PLCXD3: variants seen among roughly 807,000 people sequenced by gnomAD.
PLCXD3 encodes phosphatidylinositol specific phospholipase C X domain containing 3, also known as PI-PLC X domain-containing protein 3.
A neutral mutation model predicts 25.5 loss-of-function variants in PLCXD3; 19 were observed. The ratio of observed to expected loss-of-function variants is 0.75; its 90% CI spans 0.52 to 1.09. PLCXD3 has a LOEUF of 1.09. Ranked by LOEUF, PLCXD3 falls within the 50% of genes least tolerant of loss-of-function variation. The probability of loss-of-function intolerance (pLI) is 0.00; values close to 1 mark genes in which losing one functional copy is unlikely to be tolerated. For synonymous variants in PLCXD3, 174 were observed against 137.6 expected, an observed-to-expected ratio of 1.26 and a Z score of -1.85; for missense variants, 411 against 388.1, an observed-to-expected ratio of 1.06 and a Z score of -0.50.
rs574579292 is a variant in PLCXD3, at chr5:41,426,824, G to C, written c.104-44290C>G. On this transcript the variant is annotated intron_variant, in intron 1 of 2. Coordinates refer to ENST00000377801, the MANE Select transcript of PLCXD3 (RefSeq NM_001005473.3). ...GTTTATTTGAGGAGGATTGCTGAGT[G>C]ATCAGTTCTCTCAGTTTTTATTTTT... 2.4e-4 allele frequency among the ~76,000 whole-genome samples: 36 copies of C among 152,136 alleles called. 1 individual carries two copies. The highest frequency in any genetic ancestry group is 8.7e-4 in the African/African-American group (36 of 41,546).
rs144646166 is a variant in PLCXD3 at position 41,466,387 on chromosome 5, T to C, written c.103+44037A>G. ...ATTCATAAAACAGGAGAAATGTTTT[T>C]CTTTTCTTAGTTTATTTAAAAAATT... On this transcript the variant is annotated intron_variant, in intron 1 of 2. Coordinates refer to ENST00000377801, the MANE Select transcript of PLCXD3 (RefSeq NM_001005473.3). Among the ~76,000 whole-genome samples the C allele has an allele frequency of 7.2e-3, 1,096 of 152,178 alleles. 20 individuals carry two copies. Among genetic ancestry groups the C allele is most frequent in the African/African-American group, 0.025 (1,042 of 41,556 alleles).
In PLCXD3 at chr5:41,492,484, C is replaced by T. The variant is rs1748725843; in HGVS notation, c.103+17940G>A. Among the ~76,000 whole-genome samples, 3 of 152,106 alleles carry T rather than the reference C, an allele frequency of 2.0e-5. No individual in the cohort carries two copies. The South Asian group carries it at 6.2e-4, about 32-fold the overall frequency. On this transcript the variant is annotated intron_variant, in intron 1 of 2. Coordinates refer to ENST00000377801, the MANE Select transcript of PLCXD3 (RefSeq NM_001005473.3). ...TTCCTGAATCTGAATGTTGGCCTGC[C>T]TTGCTAGATTGGGGAAGTTCTCCTG...
intron 2 of PLCXD3, among the ~76,000 whole-genome samples, chr5:41,366,488 C>A (rs553897958): frequency 6.6e-6 from 1 of 152,282 alleles, no homozygotes; most frequent in African/African-American, 2.4e-5. Context: ...GCATGTGAAA[C>A]TCTTCTTTCC....
At chr5:41,414,727 T>C (rs1009607967) in intron 1 of PLCXD3, among the ~76,000 whole-genome samples, 2 of 152,182 alleles carry the variant, frequency 1.3e-5, no homozygotes, top group African/African-American at 4.8e-5. Flanking sequence ...AAGTTTTAAA[T>C]TGTGCACCAT....
intron 1 of PLCXD3, among the ~76,000 whole-genome samples, chr5:41,499,162 G>GA (rs1748900066): frequency 6.6e-6 from 1 of 150,600 alleles, no homozygotes; most frequent in Admixed American, 6.6e-5. Context: ...AGTTAGGTTA[G>GA]AAAAAACAAA....
At position 41,465,353 on chromosome 5, in the gene PLCXD3, C is replaced by CTTTTTTTTTTTTTTTTT. The variant is rs58098437; in HGVS notation, c.103+45054_103+45070dup. Among the ~76,000 whole-genome samples the CTTTTTTTTTTTTTTTTT allele has an allele frequency of 4.1e-3, 54 of 13,238 alleles. 10 individuals are homozygous for CTTTTTTTTTTTTTTTTT. Among genetic ancestry groups the CTTTTTTTTTTTTTTTTT allele is most frequent in the African/African-American group, 5.7e-3 (20 of 3,486 alleles). 8.7% of individuals were successfully genotyped at this position (13,238 alleles called of 152,430 possible). On this transcript the variant is annotated intron_variant, in intron 1 of 2. Coordinates refer to ENST00000377801, the MANE Select transcript of PLCXD3 (RefSeq NM_001005473.3). ...TCCTACTTTCCCCACTAGTTCTTGT[C>CTTTTTTTTTTTTTTTTT]TTTTTTTTTTTTTTTTTTTTTTTTT...
chr5:41,366,841 C>G (rs2150487155), intron 2 of PLCXD3, among the ~76,000 whole-genome samples: 1 of 152,266 alleles, frequency 6.6e-6, no homozygotes, highest in South Asian at 2.1e-4. Flanking sequence ...CTCCCTGTGT[C>G]CATGTGTTCT....
chr5:41,397,195 A>G (rs916329205), intron 1 of PLCXD3, among the ~76,000 whole-genome samples: 1 of 152,134 alleles, frequency 6.6e-6, no homozygotes, highest in African/African-American at 2.4e-5. Context: ...CCCTCCTATC[A>G]CAGGCCTGGA....
intron 1 of PLCXD3, among the ~76,000 whole-genome samples, chr5:41,432,717 C>G (rs1342118663): frequency 6.6e-6 from 1 of 152,068 alleles, no homozygotes; most frequent in Non-Finnish European, 1.5e-5. Context: ...TAAATAGGAG[C>G]AAGAACATTC....
Position 41,418,118 on chromosome 5 carries a change from A to G in PLCXD3, c.104-35584T>C, listed in dbSNP as rs111497891. Among the ~76,000 whole-genome samples the G allele has an allele frequency of 8.1e-3, 1,241 of 152,292 alleles. 23 individuals are homozygous for G. The highest frequency in any genetic ancestry group is 0.028 in the African/African-American group (1,175 of 41,562). Reference sequence around the variant, plus strand: ...TAGGATATGGTTTTCAAACTGCAATATATAGGTATGTGGCAGTGCAGTGAT... The same window carrying G: ...TAGGATATGGTTTTCAAACTGCAATGTATAGGTATGTGGCAGTGCAGTGAT... On this transcript the variant is annotated intron_variant, in intron 1 of 2. Coordinates refer to ENST00000377801, the MANE Select transcript of PLCXD3 (RefSeq NM_001005473.3).
At chr5:41,376,271 C>T (rs1745293295) in intron 2 of PLCXD3, among the ~76,000 whole-genome samples, 1 of 152,064 alleles carries the variant, frequency 6.6e-6, no homozygotes, top group African/African-American at 2.4e-5. Context: ...TGAAGTCAAA[C>T]CATGTCAGCA....
chr5:41,313,509 T>C lies in PLCXD3; in HGVS notation c.*108A>G. On this transcript the variant is annotated 3_prime_UTR_variant, in exon 3 of 3. Coordinates refer to ENST00000377801, the MANE Select transcript of PLCXD3 (RefSeq NM_001005473.3). ...CTTTTCCCACCCACTACCAGCCCTA[T>C]TCCCTTCAGAGACTCAGTGGAATAG... 7.3e-7 allele frequency: 1 copy of C among 1,368,926 alleles called. No homozygotes were observed. Among genetic ancestry groups the C allele is most frequent in the East Asian group, 2.3e-5 (1 of 43,022 alleles). 84.8% of individuals were successfully genotyped at this position (1,368,926 alleles called of 1,614,324 possible).
intron 2 of PLCXD3, among the ~76,000 whole-genome samples, chr5:41,369,440 T>C (rs1438198441): frequency 4.6e-5 from 7 of 152,146 alleles, no homozygotes; most frequent in Non-Finnish European, 7.4e-5. Context: ...AACTGAAATA[T>C]GCCCATTAAT....
chr5:41,436,585 A>C (rs1747259897), intron 1 of PLCXD3, among the ~76,000 whole-genome samples: 1 of 152,152 alleles, frequency 6.6e-6, no homozygotes, highest in Non-Finnish European at 1.5e-5. Flanking sequence ...CTACTAAGAA[A>C]TTCCAACTAT....
chr5:41,307,022 A>G lies in PLCXD3; in HGVS notation c.*6595T>C, dbSNP rs548755259. On this transcript the variant is annotated 3_prime_UTR_variant, in exon 3 of 3. Transcript: ENST00000377801. ...AACTTTTATTTTTTACATTAAGAAC[A>G]CAATCTTATTTAAAAAATTCACATT... 1 of 152,726 alleles carries G rather than the reference A, an allele frequency of 6.5e-6. No homozygotes were observed. The highest frequency in any genetic ancestry group is 6.5e-5 in the Admixed American group (1 of 15,288). 9.5% of individuals were successfully genotyped at this position (152,726 alleles called of 1,614,324 possible).
At chr5:41,388,571 C>T (rs1561255721) in intron 1 of PLCXD3, among the ~76,000 whole-genome samples, 1 of 151,922 alleles carries the variant, frequency 6.6e-6, no homozygotes, top group African/African-American at 2.4e-5. Context: ...TTTAGACTTG[C>T]AGAGTTTAAT....
intron 2 of PLCXD3, among the ~76,000 whole-genome samples, chr5:41,319,497 G>A (rs1323561476): frequency 2.0e-5 from 3 of 152,092 alleles, no homozygotes; most frequent in Non-Finnish European, 2.9e-5. Flanking sequence ...TAAACAGTAC[G>A]CTCCTGAATG....
chr5:41,424,553 G>C (rs986811412), intron 1 of PLCXD3, among the ~76,000 whole-genome samples: 1 of 152,096 alleles, frequency 6.6e-6, no homozygotes, highest in Non-Finnish European at 1.5e-5. Flanking sequence ...AAAAAAAATA[G>C]GTTGTGAATT....
chr5:41,391,131 G>A (rs1029306866), intron 1 of PLCXD3, among the ~76,000 whole-genome samples: 1 of 152,190 alleles, frequency 6.6e-6, no homozygotes, highest in Non-Finnish European at 1.5e-5. Flanking sequence ...TTAAAAGGCA[G>A]TCTAGACCAT....
Sources: gnomAD v4.1 joint callset for allele counts (sites outside exome capture counted in the v4.1 genomes callset) on GRCh38, gnomAD v4.1.1 for gene constraint, MANE v1.5 for transcripts, NCBI Gene and HGNC (gene_info 2026-07-23, HGNC 2026-07-21) for gene names.